Variants in ARHGEF26 observed in about 807,000 individuals in gnomAD.
ARHGEF26 encodes the protein Rho guanine nucleotide exchange factor (GEF) 26.
ARHGEF26 carries 59 observed loss-of-function variants against 89.4 expected under a neutral mutation model. The observed-to-expected ratio is 0.66, with a 90% confidence interval of 0.54 to 0.82. The LOEUF (loss-of-function observed/expected upper bound fraction) is 0.82, where lower values mean the gene tolerates loss of function less well. Among genes scored for constraint, ARHGEF26 ranks in the 40% least tolerant of loss-of-function variants. ARHGEF26 has a pLI of 0.00. For synonymous variants in ARHGEF26, 500 were observed against 428.4 expected, an observed-to-expected ratio of 1.17 and a Z score of -2.06; for missense variants, 1,234 against 1,085.6, an observed-to-expected ratio of 1.14 and a Z score of -1.92.
chr3:154,126,456 A>G (rs1309025700), intron 3 of ARHGEF26, among the ~76,000 whole-genome samples: 2 of 152,066 alleles, frequency 1.3e-5, no homozygotes, highest in Admixed American at 1.3e-4. Context: ...AGTCTGTTCT[A>G]TGTTATGTAG....
chr3:154,190,690 G>T (rs1030938096), intron 7 of ARHGEF26, among the ~76,000 whole-genome samples: 2 of 152,146 alleles, frequency 1.3e-5, no homozygotes, highest in African/African-American at 4.8e-5. Flanking sequence ...ACAGTATCTC[G>T]CTAAGTTTCA....
At chr3:154,197,017 C>T (rs1037969927) in intron 9 of ARHGEF26, among the ~76,000 whole-genome samples, 1 of 151,996 alleles carries the variant, frequency 6.6e-6, no homozygotes, top group South Asian at 2.1e-4. Context: ...TACTACATTC[C>T]TTCAGGCATC....
chr3:154,203,655 T>C (rs1174308606), intron 9 of ARHGEF26, among the ~76,000 whole-genome samples: 1 of 152,174 alleles, frequency 6.6e-6, no homozygotes, highest in Non-Finnish European at 1.5e-5. Flanking sequence ...GGTATGCTCC[T>C]TCTATACCCA....
intron 7 of ARHGEF26, among the ~76,000 whole-genome samples, chr3:154,190,922 A>G (rs542280023): frequency 4.7e-4 from 72 of 152,310 alleles, no homozygotes; most frequent in African/African-American, 1.7e-3. Context: ...ATATATGTTT[A>G]TAGATGATCG....
At chr3:154,169,295 A>G (rs937498015) in intron 6 of ARHGEF26, among the ~76,000 whole-genome samples, 2 of 151,772 alleles carry the variant, frequency 1.3e-5, no homozygotes, top group African/African-American at 4.8e-5. Context: ...AAATTTACCT[A>G]TTTGCTAAAA....
At chr3:154,250,630 A>C (rs1393301334) in intron 12 of ARHGEF26, among the ~76,000 whole-genome samples, 1 of 152,212 alleles carries the variant, frequency 6.6e-6, no homozygotes, top group East Asian at 1.9e-4. Flanking sequence ...GTCTGTGTAC[A>C]GGAAGATCTG....
At chr3:154,199,199 T>A (rs1714472225) in intron 9 of ARHGEF26, among the ~76,000 whole-genome samples, 1 of 151,688 alleles carries the variant, frequency 6.6e-6, no homozygotes, top group Admixed American at 6.6e-5. Flanking sequence ...CATCCCCACC[T>A]CCTCCCCAGC....
rs370102155 is a variant in ARHGEF26 at position 154,198,659 on chromosome 3, T to A, written c.1845+3941T>A. Among the ~76,000 whole-genome samples, 1,062 of 152,248 alleles carry A rather than the reference T, an allele frequency of 7.0e-3. 9 individuals carry two copies. The highest frequency in any genetic ancestry group is 0.048 in the South Asian group (233 of 4,810). On this transcript the variant is annotated intron_variant, in intron 9 of 14. Transcript: ENST00000465093. ...ACCAAATATCATGTGTTCTGACTTA[T>A]AAGTGGGAGCTAAGCTATGAGGATG...
chr3:154,247,324 G>T (rs1717860302), intron 12 of ARHGEF26, among the ~76,000 whole-genome samples: 1 of 152,116 alleles, frequency 6.6e-6, no homozygotes, highest in Non-Finnish European at 1.5e-5. Flanking sequence ...TGGAGACTTG[G>T]TGCTGTTTTT....
chr3:154,255,336 T>TTACC lies in ARHGEF26; in HGVS notation c.2479_2480insTACC (p.Tyr827LeufsTer3). On this transcript the variant is annotated frameshift_variant, in exon 15 of 15. Coordinates refer to ENST00000465093, the MANE Select transcript of ARHGEF26 (RefSeq NM_015595.4). LOFTEE classifies it high-confidence loss of function. ...GACTCTGTTCTTTTTCACAGGCTGG[T>TTACC]ATGAGGGGGAACGACTACGAGATGG... The TTACC allele has an allele frequency of 6.2e-7, 1 of 1,612,296 alleles. No homozygotes were observed.
intron 6 of ARHGEF26, among the ~76,000 whole-genome samples, chr3:154,186,370 T>C (rs1559885013): frequency 6.6e-6 from 1 of 152,014 alleles, no homozygotes; most frequent in African/African-American, 2.4e-5. Flanking sequence ...ATATGACATA[T>C]ATAATGATAT....
intron 10 of ARHGEF26, among the ~76,000 whole-genome samples, chr3:154,221,718 T>TA (rs773631049): frequency 7.4e-4 from 112 of 152,312 alleles, no homozygotes; most frequent in Non-Finnish European, 1.5e-3. Context: ...GGTTTAGATA[T>TA]AAAAAAATAC....
intron 2 of ARHGEF26, among the ~76,000 whole-genome samples, chr3:154,123,444 G>A (rs1184688374): frequency 2.0e-5 from 3 of 152,176 alleles, no homozygotes; most frequent in Non-Finnish European, 4.4e-5. Flanking sequence ...AAGTTGTCTG[G>A]AGTTTGCTTA....
At chr3:154,182,416 A>AT (rs1195039016) in intron 6 of ARHGEF26, among the ~76,000 whole-genome samples, 1 of 152,146 alleles carries the variant, frequency 6.6e-6, no homozygotes, top group East Asian at 1.9e-4. Context: ...GTAAACCAAT[A>AT]TTTGATCACA....
rs16823828 is a variant in ARHGEF26 at position 154,251,987 on chromosome 3, C to T, written c.2301-1129C>T. ...GCAATAATGAGTGGGCTTATCTACG[C>T]AAAAACAGGGAAGGAATAGGAAAGG... On this transcript the variant is annotated intron_variant, in intron 12 of 14. Coordinates refer to ENST00000465093, the MANE Select transcript of ARHGEF26 (RefSeq NM_015595.4). 5.6e-3 allele frequency among the ~76,000 whole-genome samples: 859 copies of T among 152,192 alleles called. 8 individuals are homozygous for T. The highest frequency in any genetic ancestry group is 0.02 in the African/African-American group (835 of 41,516).
chr3:154,184,223 C>T (rs1053909821), intron 6 of ARHGEF26, among the ~76,000 whole-genome samples: 3 of 152,184 alleles, frequency 2.0e-5, no homozygotes, highest in Non-Finnish European at 2.9e-5. Context: ...CCACCTACCT[C>T]GGCCTCCCAA....
intron 9 of ARHGEF26, among the ~76,000 whole-genome samples, chr3:154,203,870 C>A (rs1270648030): frequency 6.8e-6 from 1 of 147,566 alleles, no homozygotes. Flanking sequence ...TTTTGATAAT[C>A]TTTCTAATGT....
intron 4 of ARHGEF26, among the ~76,000 whole-genome samples, chr3:154,146,034 C>T (rs1454677546): frequency 2.0e-5 from 3 of 151,846 alleles, no homozygotes; most frequent in African/African-American, 7.3e-5. Context: ...GAAGCTCAGA[C>T]CTGCAAAGTA....
rs1000455655 is a variant in ARHGEF26, at chr3:154,201,227, C to T, written c.1845+6509C>T. Among the ~76,000 whole-genome samples the T allele has an allele frequency of 2.1e-5, 3 of 144,162 alleles. No individual in the cohort carries two copies. In the Admixed American group the frequency reaches 2.2e-4, roughly 11 times the overall value. 94.6% of individuals were successfully genotyped at this position (144,162 alleles called of 152,430 possible). A position where few individuals can be genotyped will look rare whatever the true frequency, so the allele number is the denominator to read the frequency against. ...GTCCATGTGTTCTCATTGTTCAATT[C>T]CCACCTAAGAGTGAGAACATGAAGT... On this transcript the variant is annotated intron_variant, in intron 9 of 14. Transcript: ENST00000465093.
Sources: gnomAD v4.1 joint callset for allele counts (sites outside exome capture counted in the v4.1 genomes callset) on GRCh38, gnomAD v4.1.1 for gene constraint, MANE v1.5 for transcripts, NCBI Gene and HGNC (gene_info 2026-07-23, HGNC 2026-07-21) for gene names.